CDK14: variants seen among roughly 807,000 people sequenced by gnomAD.
CDK14 encodes the protein cyclin dependent kinase 14.
Under a neutral mutation model 60.7 loss-of-function variants are expected in CDK14, and 34 were observed. The ratio of observed to expected loss-of-function variants is 0.56; its 90% CI spans 0.43 to 0.75. The LOEUF (loss-of-function observed/expected upper bound fraction) is 0.75, where lower values mean the gene tolerates loss of function less well. CDK14 is among the 30% of genes least tolerant of loss of function. CDK14 has a pLI of 0.00. For synonymous variants in CDK14, 197 were observed against 203.7 expected (o/e 0.97, Z 0.28); for missense variants, 482 against 564.1 (o/e 0.85, Z 1.47).
At chr7:91,088,759 A>G (rs907503038) in intron 12 of CDK14, among the ~76,000 whole-genome samples, 1 of 152,192 alleles carries the variant, frequency 6.6e-6, no homozygotes, top group African/African-American at 2.4e-5. Context: ...ATATACAAAC[A>G]TAATGCCAAA....
At chr7:90,609,158 C>G (rs1483015672) in intron 2 of CDK14, among the ~76,000 whole-genome samples, 1 of 152,132 alleles carries the variant, frequency 6.6e-6, no homozygotes, top group Non-Finnish European at 1.5e-5. Flanking sequence ...TTCTAAGTAG[C>G]TGGGACCACA....
chr7:90,889,073 A>C (rs1447754474), intron 6 of CDK14, among the ~76,000 whole-genome samples: 2 of 152,250 alleles, frequency 1.3e-5, no homozygotes, highest in African/African-American at 4.8e-5. Flanking sequence ...GAAACATCCC[A>C]AAACTATACA....
At position 91,045,909 on chromosome 7, in the gene CDK14, C is replaced by T; in HGVS notation, c.1054C>T (p.Pro352Ser). 6.2e-7 allele frequency: 1 copy of T among 1,609,982 alleles called. No homozygotes were observed. The highest frequency in any genetic ancestry group is 8.5e-7 in the Non-Finnish European group (1 of 1,176,382). ...LERIFLVLGT[P>S]NEDTWPGVHS... ...TACTCTCCACTAGGTTCTTGGAACA[C>T]CAAATGAGGACACATGGCCTGGAGT... Residue 352 changes from proline to serine, a missense_variant, in exon 11 of 15, where the codon CCA (proline) becomes TCA (serine). Physicochemically the swap from Pro to Ser is moderately conservative, Grantham distance 74 (BLOSUM62 -1). Coordinates refer to ENST00000380050, the MANE Select transcript of CDK14 (RefSeq NM_001287135.2).
At chr7:90,669,280 G>A (rs1801052183) in intron 2 of CDK14, among the ~76,000 whole-genome samples, 2 of 152,142 alleles carry the variant, frequency 1.3e-5, no homozygotes, top group Non-Finnish European at 2.9e-5. Flanking sequence ...ATGGATATCT[G>A]CTGTTTCTGC....
chr7:90,780,962 C>T (rs1394715410), intron 4 of CDK14, among the ~76,000 whole-genome samples: 1 of 151,786 alleles, frequency 6.6e-6, no homozygotes, highest in Non-Finnish European at 1.5e-5. Flanking sequence ...GTTCTAGATC[C>T]CTGAGGAATC....
At chr7:90,930,145 C>G (rs1034802951) in intron 8 of CDK14, among the ~76,000 whole-genome samples, 2 of 150,352 alleles carry the variant, frequency 1.3e-5, no homozygotes, top group South Asian at 2.1e-4. Flanking sequence ...TAGATTGTTA[C>G]CAAAGTTCAT....
Position 91,118,208 on chromosome 7 carries a change from G to A in CDK14, c.*28G>A, listed in dbSNP as rs778050678. On this transcript the variant is annotated splice_region_variant and 3_prime_UTR_variant, in exon 14 of 15. Coordinates refer to ENST00000380050, the MANE Select transcript of CDK14 (RefSeq NM_001287135.2). The stretch of plus-strand genomic sequence containing the variant: ...AGCAGCACATTCTCAAGAGCACACA[G>A]GTAAGAGGACCTGCTTTACCTGGAA... 23 of 1,348,634 alleles carry A rather than the reference G, an allele frequency of 1.7e-5. No homozygotes were observed. Among genetic ancestry groups the A allele is most frequent in the Non-Finnish European group, 2.3e-5 (22 of 944,968 alleles). 83.5% of individuals were successfully genotyped at this position (1,348,634 alleles called of 1,614,324 possible). A position where few individuals can be genotyped will look rare whatever the true frequency, so the allele number is the denominator to read the frequency against.
chr7:90,953,924 A>G (rs1270151249), intron 8 of CDK14, among the ~76,000 whole-genome samples: 3 of 152,152 alleles, frequency 2.0e-5, no homozygotes, highest in Non-Finnish European at 2.9e-5. Context: ...CTATTGTTCA[A>G]TTTTGCCTGA....
chr7:91,129,135 C>T (rs1254486838), intron 14 of CDK14, among the ~76,000 whole-genome samples: 1 of 152,188 alleles, frequency 6.6e-6, no homozygotes, highest in African/African-American at 2.4e-5. Context: ...AGGGGCTTCA[C>T]GCCCAGGGCC....
chr7:90,706,542 CAA>C (rs1250164494), intron 2 of CDK14, among the ~76,000 whole-genome samples: 1 of 151,992 alleles, frequency 6.6e-6, no homozygotes, highest in Non-Finnish European at 1.5e-5. Flanking sequence ...GGAAGACAAA[CAA>C]AGTAAATTAA....
At chr7:91,129,395 G>A (rs78847275) in intron 14 of CDK14, among the ~76,000 whole-genome samples, 4,660 of 152,206 alleles carry the variant, frequency 0.031, 183 homozygotes, top group East Asian at 0.11. Flanking sequence ...TAAAAGTATT[G>A]ATTTTATTAA....
At chr7:90,629,145 T>C (rs1259432427) in intron 2 of CDK14, among the ~76,000 whole-genome samples, 2 of 152,110 alleles carry the variant, frequency 1.3e-5, no homozygotes, top group African/African-American at 4.8e-5. Context: ...TTACAAATGA[T>C]AGTTATTATT....
chr7:91,134,305 AT>A (rs1480907051), intron 14 of CDK14, among the ~76,000 whole-genome samples: 3 of 152,024 alleles, frequency 2.0e-5, no homozygotes, highest in Non-Finnish European at 2.9e-5. Flanking sequence ...GAGGTAAATA[AT>A]TTTTTTATCA....
intron 5 of CDK14, among the ~76,000 whole-genome samples, chr7:90,837,063 C>G (rs1245831595): frequency 6.6e-6 from 1 of 152,128 alleles, no homozygotes; most frequent in Non-Finnish European, 1.5e-5. Context: ...TAAAGGGTTT[C>G]TGGGACAGCT....
intron 4 of CDK14, among the ~76,000 whole-genome samples, chr7:90,754,066 A>G (rs983460787): frequency 1.3e-4 from 20 of 152,226 alleles, no homozygotes; most frequent in Non-Finnish European, 2.9e-5. Flanking sequence ...AATGCAATCT[A>G]TTGATGCAGT....
At chr7:91,125,643 A>G (rs976143180) in intron 14 of CDK14, among the ~76,000 whole-genome samples, 8 of 152,176 alleles carry the variant, frequency 5.3e-5, no homozygotes, top group Non-Finnish European at 1.2e-4. Context: ...ATCAAAGGTT[A>G]CTTTTCCATT....
chr7:91,052,628 G>T (rs962073798), intron 11 of CDK14, among the ~76,000 whole-genome samples: 1 of 152,124 alleles, frequency 6.6e-6, no homozygotes, highest in African/African-American at 2.4e-5. Context: ...TTATTCAGAT[G>T]CTCAAAAAGG....
At chr7:91,037,177 G>A (rs1796956435) in intron 10 of CDK14, among the ~76,000 whole-genome samples, 1 of 152,106 alleles carries the variant, frequency 6.6e-6, no homozygotes, top group Non-Finnish European at 1.5e-5. Flanking sequence ...ACATTTTCCT[G>A]GTGTTAGGTT....
intron 4 of CDK14, among the ~76,000 whole-genome samples, chr7:90,781,858 C>T (rs1235417779): frequency 1.3e-5 from 2 of 152,258 alleles, no homozygotes; most frequent in East Asian, 3.9e-4. Flanking sequence ...CATGATGCCT[C>T]CAGCTTTGTT....
Sources: allele counts gnomAD v4.1 joint callset (sites outside exome capture counted in the v4.1 genomes callset), GRCh38; gene constraint gnomAD v4.1.1; transcripts MANE v1.5; gene names NCBI Gene and HGNC (gene_info 2026-07-23, HGNC 2026-07-21).